The following ST3GAL4 variants were observed in gnomAD, a reference collection of about 807,000 sequenced individuals.
ST3GAL4 encodes ST3 beta-galactoside alpha-2,3-sialyltransferase 4.
A neutral mutation model predicts 42.6 loss-of-function variants in ST3GAL4; 24 were observed. The ratio of observed to expected loss-of-function variants is 0.56; its 90% CI spans 0.41 to 0.79. The LOEUF is 0.79. ST3GAL4 is among the 30% of genes least tolerant of loss of function. The pLI is 0.00. For missense variants in ST3GAL4, 311 were observed against 430.8 expected (o/e 0.72, Z 2.46); for synonymous variants, 135 against 163.2 (o/e 0.83, Z 1.32).
intron 1 of ST3GAL4, among the ~76,000 whole-genome samples, chr11:126,365,302 C>T (rs974963917): frequency 1.4e-4 from 21 of 150,888 alleles, no homozygotes; most frequent in South Asian, 4.2e-4. Flanking sequence ...GACTGAGGGC[C>T]GAGCTCTTCC....
rs1252110327 is a variant in ST3GAL4 at position 126,396,221 on chromosome 11, G to A, written c.-60-9875G>A. Among the ~76,000 whole-genome samples, 2 of 152,022 alleles carry A rather than the reference G, an allele frequency of 1.3e-5. No individual in the cohort carries two copies. The highest frequency in any genetic ancestry group is 4.8e-5 in the African/African-American group (2 of 41,304). On this transcript the variant is annotated intron_variant, in intron 1 of 10. Transcript: ENST00000444328. The surrounding 1 kb of genome is among the most constrained non-coding windows in gnomAD (Gnocchi z 5.8). Reference sequence around the variant, plus strand: ...GTGGGCAGCGGACACTAAGCCGAGAGGAATCGCTGTGGGTTGGCAGACACT... The same window carrying A: ...GTGGGCAGCGGACACTAAGCCGAGAAGAATCGCTGTGGGTTGGCAGACACT...
rs114504746 is a variant in ST3GAL4 at position 126,367,485 on chromosome 11, G to A, written c.-61+11643G>A. Among the ~76,000 whole-genome samples, 1,035 of 152,276 alleles carry A rather than the reference G, an allele frequency of 6.8e-3. 13 individuals carry two copies. The highest frequency in any genetic ancestry group is 0.021 in the African/African-American group (883 of 41,546). ...CTGGGGCAGAGCTTGAATGGAGAGG[G>A]GCTGCCTTGTGCCTGGGAAGGGAGG... On this transcript the variant is annotated intron_variant, in intron 1 of 10. Coordinates refer to ENST00000444328, the MANE Select transcript of ST3GAL4 (RefSeq NM_001254757.2).
intron 1 of ST3GAL4, among the ~76,000 whole-genome samples, chr11:126,362,389 G>T (rs1473496311): frequency 6.7e-6 from 1 of 149,880 alleles, no homozygotes; most frequent in Admixed American, 6.6e-5. Context: ...TAGTAGAGAT[G>T]GGGGTCTCAC....
At chr11:126,382,671 T>G (rs1353349285) in intron 1 of ST3GAL4, among the ~76,000 whole-genome samples, 1 of 152,146 alleles carries the variant, frequency 6.6e-6, no homozygotes, top group African/African-American at 2.4e-5. Context: ...GTTGATTTAG[T>G]GTCTCTGCCC....
rs1420548422 is a variant in ST3GAL4 at position 126,355,751 on chromosome 11, C to T, written c.-152C>T. The T allele has an allele frequency of 1.3e-5, 2 of 151,676 alleles. No homozygotes were observed. The highest frequency in any genetic ancestry group is 4.8e-5 in the African/African-American group (2 of 41,390). 9.4% of individuals were successfully genotyped at this position (151,676 alleles called of 1,614,324 possible). On this transcript the variant is annotated 5_prime_UTR_variant, in exon 1 of 11. Coordinates refer to ENST00000444328, the MANE Select transcript of ST3GAL4 (RefSeq NM_001254757.2). The surrounding 1 kb of genome is among the most constrained non-coding windows in gnomAD (Gnocchi z 7.1). ...GGACAGGGACCCGGCCGAGTCGAGCCGTCGCGCCAGCGCTGCGCCGCCGGT... is the reference window on the plus strand; with the variant it reads ...GGACAGGGACCCGGCCGAGTCGAGCTGTCGCGCCAGCGCTGCGCCGCCGGT...
At chr11:126,361,884 C>CT (rs112227008) in intron 1 of ST3GAL4, among the ~76,000 whole-genome samples, 522 of 143,150 alleles carry the variant, frequency 3.6e-3, no homozygotes, top group East Asian at 0.01. Flanking sequence ...ATTAACACTT[C>CT]TTTTTTTTTT....
Position 126,376,011 on chromosome 11 carries a change from A to G in ST3GAL4, c.-61+20169A>G, listed in dbSNP as rs1952823567. 6.6e-6 allele frequency among the ~76,000 whole-genome samples: 1 copy of G among 151,790 alleles called. No homozygotes were observed. ...ACGTATTATTGTTTGTCAAATGTGTATAAAACATCTGCCACATTCTTGGCA... is the reference window on the plus strand; with the variant it reads ...ACGTATTATTGTTTGTCAAATGTGTGTAAAACATCTGCCACATTCTTGGCA... On this transcript the variant is annotated intron_variant, in intron 1 of 10. Coordinates refer to ENST00000444328, the MANE Select transcript of ST3GAL4 (RefSeq NM_001254757.2). This position sits in a 1 kb window ranked among gnomAD's most constrained non-coding sequence, Gnocchi z 5.1.
Position 126,378,301 on chromosome 11 carries a change from C to T in ST3GAL4, c.-61+22459C>T, listed in dbSNP as rs932191936. ...TCATGGTTATTCTCCGTCACATCTG[C>T]GTCTGCACAGCGCCACGTTGAATGG... On this transcript the variant is annotated intron_variant, in intron 1 of 10. Coordinates refer to ENST00000444328, the MANE Select transcript of ST3GAL4 (RefSeq NM_001254757.2). The surrounding 1 kb of genome is among the most constrained non-coding windows in gnomAD (Gnocchi z 5.3). 4.6e-5 allele frequency among the ~76,000 whole-genome samples: 7 copies of T among 152,180 alleles called. No individual in the cohort carries two copies. The highest frequency in any genetic ancestry group is 3.8e-4 in the East Asian group (2 of 5,202).
intron 1 of ST3GAL4, among the ~76,000 whole-genome samples, chr11:126,362,797 G>A (rs994093566): frequency 1.2e-4 from 19 of 152,232 alleles, no homozygotes; most frequent in African/African-American, 4.3e-4. Context: ...CTCACAGCCT[G>A]GTGATGGACA....
rs1591477797 is a variant in ST3GAL4 at position 126,400,190 on chromosome 11, G to T, written c.-60-5906G>T. Among the ~76,000 whole-genome samples the T allele has an allele frequency of 6.6e-6, 1 of 152,310 alleles. No individual in the cohort carries two copies. The highest frequency in any genetic ancestry group is 1.9e-4 in the East Asian group (1 of 5,186). ...TTTTATTTGGCTCATGGTTCTGGAGGCTGGGAAGTCCAAGATCAAGGGGCT... is the reference window on the plus strand; with the variant it reads ...TTTTATTTGGCTCATGGTTCTGGAGTCTGGGAAGTCCAAGATCAAGGGGCT... On this transcript the variant is annotated intron_variant, in intron 1 of 10. Transcript: ENST00000444328. The surrounding 1 kb of genome is among the most constrained non-coding windows in gnomAD (Gnocchi z 4.6).
chr11:126,407,342 G>A lies in ST3GAL4; in HGVS notation c.273G>A (p.Lys91=). 6.2e-7 allele frequency: 1 copy of A among 1,614,112 alleles called. No homozygotes were observed. The highest frequency in any genetic ancestry group is 1.1e-5 in the South Asian group (1 of 91,082). ...PSAYELPYGT[K]GSEDLLLRVL... is the part of the protein sequence containing the mutation. ...CTTACGAGCTGCCCTATGGGACCAA[G>A]GGGAGTGGTAAGTTCCTACCCGGCT... The change falls in exon 5 of 11, where the codon AAG becomes AAA. Residue 91 remains lysine (K), a synonymous_variant. Coordinates refer to ENST00000444328, the MANE Select transcript of ST3GAL4 (RefSeq NM_001254757.2).
At chr11:126,360,185 A>C (rs1952199068) in intron 1 of ST3GAL4, among the ~76,000 whole-genome samples, 1 of 152,142 alleles carries the variant, frequency 6.6e-6, no homozygotes, top group Admixed American at 6.5e-5. Context: ...TCCTGGCAGG[A>C]GAGAATTAGG....
At position 126,363,984 on chromosome 11, in the gene ST3GAL4, C is replaced by T. The variant is rs1457651495; in HGVS notation, c.-61+8142C>T. ...GTTCTGCCTTAGGGACCAGCTGGTC[C>T]CCTGCTGTGGTTCCACACAGTGGAG... On this transcript the variant is annotated intron_variant, in intron 1 of 10. Transcript: ENST00000444328. The surrounding 1 kb of genome is among the most constrained non-coding windows in gnomAD (Gnocchi z 4.6). Among the ~76,000 whole-genome samples, 1 of 152,234 alleles carries T rather than the reference C, an allele frequency of 6.6e-6. No individual in the cohort carries two copies. The highest frequency in any genetic ancestry group is 1.5e-5 in the Non-Finnish European group (1 of 68,038).
Position 126,392,178 on chromosome 11 carries a change from T to C in ST3GAL4, c.-60-13918T>C, listed in dbSNP as rs1953545969. The C allele has an allele frequency of 5.9e-6, 2 of 340,804 alleles. No homozygotes were observed. The highest frequency in any genetic ancestry group is 1.2e-4 in the South Asian group (1 of 8,434). 21.1% of individuals were successfully genotyped at this position (340,804 alleles called of 1,614,324 possible). On this transcript the variant is annotated intron_variant, in intron 1 of 10. Transcript: ENST00000444328. This position sits in a 1 kb window ranked among gnomAD's most constrained non-coding sequence, Gnocchi z 5.8. Reference sequence around the variant, plus strand: ...CCTGGAGGCCACATGTACCTTGCGCTTCCTGGGGCTTGGTCCTGGGGTTTC... The same window carrying C: ...CCTGGAGGCCACATGTACCTTGCGCCTCCTGGGGCTTGGTCCTGGGGTTTC...
chr11:126,412,489 G>A (rs1308753190), intron 9 of ST3GAL4, among the ~76,000 whole-genome samples: 2 of 152,218 alleles, frequency 1.3e-5, no homozygotes, highest in African/African-American at 4.8e-5. Flanking sequence ...AATTAGGCAT[G>A]AGCAACTGAG....
Position 126,366,399 on chromosome 11 carries a change from T to TGC in ST3GAL4, c.-61+10560_-61+10561dup, listed in dbSNP as rs1355926984. On this transcript the variant is annotated intron_variant, in intron 1 of 10. Transcript: ENST00000444328. The surrounding 1 kb of genome is among the most constrained non-coding windows in gnomAD (Gnocchi z 4.2). ...GAGGACTGAGAGCTGGGTGTGTGTGTGCGCATGCCTGTGTCTGTGTGATCT... is the reference window on the plus strand; with the variant it reads ...GAGGACTGAGAGCTGGGTGTGTGTGTGCGCGCATGCCTGTGTCTGTGTGATCT... Among the ~76,000 whole-genome samples, 4 of 152,024 alleles carry TGC rather than the reference T, an allele frequency of 2.6e-5. No homozygotes were observed. Among genetic ancestry groups the TGC allele is most frequent in the East Asian group, 3.9e-4 (2 of 5,172 alleles).
rs1174371762 is a variant in ST3GAL4 at position 126,376,405 on chromosome 11, T to C, written c.-61+20563T>C. ...CAGAGGCAGGTGTTTGGAGAGTGAA[T>C]GTAAAAGCAAAATGAAGAATTTATT... is the stretch of plus-strand genomic sequence containing the variant. On this transcript the variant is annotated intron_variant, in intron 1 of 10. Coordinates refer to ENST00000444328, the MANE Select transcript of ST3GAL4 (RefSeq NM_001254757.2). The surrounding 1 kb of genome is among the most constrained non-coding windows in gnomAD (Gnocchi z 5.1). 1.3e-5 allele frequency among the ~76,000 whole-genome samples: 2 copies of C among 152,216 alleles called. No homozygotes were observed. Among genetic ancestry groups the C allele is most frequent in the Non-Finnish European group, 1.5e-5 (1 of 68,034 alleles).
chr11:126,388,369 C>G (rs1953314310), intron 1 of ST3GAL4, among the ~76,000 whole-genome samples: 1 of 152,148 alleles, frequency 6.6e-6, no homozygotes, highest in African/African-American at 2.4e-5. Context: ...CTCGCTCTCT[C>G]TCCCAGGCTG....
rs1487501751 is a variant in ST3GAL4 at position 126,397,697 on chromosome 11, C to T, written c.-60-8399C>T. ...TATTTGGCTCACAGTTCTGGAGGCT[C>T]GGATGTCCAAGATCTAGAGGACACA... On this transcript the variant is annotated intron_variant, in intron 1 of 10. Transcript: ENST00000444328. This position sits in a 1 kb window ranked among gnomAD's most constrained non-coding sequence, Gnocchi z 5.0. 6.6e-6 allele frequency among the ~76,000 whole-genome samples: 1 copy of T among 152,152 alleles called. No homozygotes were observed. The highest frequency in any genetic ancestry group is 1.5e-5 in the Non-Finnish European group (1 of 68,036).
Sources: gnomAD v4.1 joint callset for allele counts (sites outside exome capture counted in the v4.1 genomes callset) on GRCh38, gnomAD v4.1.1 for gene constraint, Gnocchi (gnomAD v3.1) non-coding constraint, MANE v1.5 for transcripts, NCBI Gene and HGNC (gene_info 2026-07-23, HGNC 2026-07-21) for gene names.